The following NCAM1 variants were observed in gnomAD, a reference collection of about 807,000 sequenced individuals.
The protein encoded by NCAM1 is antigen recognized by monoclonal antibody 5.1H11.
NCAM1 carries 14 observed loss-of-function variants against 109.8 expected under a neutral mutation model. The ratio of observed to expected loss-of-function variants is 0.13; its 90% CI spans 0.08 to 0.20. The LOEUF (loss-of-function observed/expected upper bound fraction) is 0.20, where lower values mean the gene tolerates loss of function less well. Among genes scored for constraint, NCAM1 ranks in the 10% least tolerant of loss-of-function variants. NCAM1 has a pLI of 1.00. For synonymous variants in NCAM1, 418 were observed against 442.9 expected, an observed-to-expected ratio of 0.94 and a Z score of 0.70; for missense variants, 774 against 1,109.9, an observed-to-expected ratio of 0.70 and a Z score of 4.30.
intron 1 of NCAM1, among the ~76,000 whole-genome samples, chr11:113,193,781 G>A (rs1309723590): frequency 3.3e-5 from 5 of 152,110 alleles, no homozygotes; most frequent in Non-Finnish European, 5.9e-5. Context: ...GAGAGCCTGG[G>A]AACCACATAA....
At chr11:113,041,989 T>C (rs1175663518) in intron 1 of NCAM1, among the ~76,000 whole-genome samples, 1 of 152,202 alleles carries the variant, frequency 6.6e-6, no homozygotes, top group African/African-American at 2.4e-5. Flanking sequence ...CTTTCTAATT[T>C]CATGGAAAAA....
chr11:113,232,256 A>C lies in NCAM1; in HGVS notation c.1327A>C (p.Ser443Arg). 6.2e-7 allele frequency: 1 copy of C among 1,613,974 alleles called. No homozygotes were observed. Among genetic ancestry groups the C allele is most frequent in the Middle Eastern group, 1.6e-4 (1 of 6,062 alleles). ...CACCTGCGAGGTATTTGCCTATCCC[A>C]GTGCCACGATCTCATGGTTTCGGGA... Reference protein sequence around the residue: ...NITCEVFAYPSATISWFRDGQ... With the variant: ...NITCEVFAYPRATISWFRDGQ... Residue 443 changes from serine (S) to arginine (R), a missense_variant, in exon 11 of 20, where the codon AGT (serine) becomes CGT (arginine). Coordinates refer to ENST00000316851, the MANE Select transcript of NCAM1 (RefSeq NM_181351.5).
At chr11:113,038,394 G>A (rs1187658953) in intron 1 of NCAM1, among the ~76,000 whole-genome samples, 4 of 152,124 alleles carry the variant, frequency 2.6e-5, no homozygotes, top group Admixed American at 1.3e-4. Context: ...AAAAGAAAGG[G>A]ACTCTCCCAT....
At chr11:113,263,636 A>G (rs1431289012) in intron 17 of NCAM1, 3 of 985,588 alleles carry the variant, frequency 3.0e-6, no homozygotes, top group Non-Finnish European at 3.6e-6. Context: ...TGATGTGCCA[A>G]CAAGTGTCAG....
chr11:113,115,092 C>T lies in NCAM1; in HGVS notation c.53-87287C>T, dbSNP rs574778972. Among the ~76,000 whole-genome samples, 5 of 152,286 alleles carry T rather than the reference C, an allele frequency of 3.3e-5. No homozygotes were observed. In the East Asian group the frequency reaches 7.7e-4, roughly 23 times the overall value. On this transcript the variant is annotated intron_variant, in intron 1 of 19. Coordinates refer to ENST00000316851, the MANE Select transcript of NCAM1 (RefSeq NM_181351.5). Reference sequence around the variant, plus strand: ...GAGGCCCCTGGACAGTCAGCACCCCCCAGCTGGTAGCATCCTGGGAGCAAG... The same window carrying T: ...GAGGCCCCTGGACAGTCAGCACCCCTCAGCTGGTAGCATCCTGGGAGCAAG...
rs370115723 is a variant in NCAM1, at chr11:113,162,776, TG to T, written c.53-39600del. ...TTACGGTCACGGGGCATATTCTCAGTGGGCAGACCACAAGACACAGGCAGTG... is the reference window on the plus strand; with the variant it reads ...TTACGGTCACGGGGCATATTCTCAGTGGCAGACCACAAGACACAGGCAGTG... On this transcript the variant is annotated intron_variant, in intron 1 of 19. Coordinates refer to ENST00000316851, the MANE Select transcript of NCAM1 (RefSeq NM_181351.5). Among the ~76,000 whole-genome samples the T allele has an allele frequency of 2.2e-3, 330 of 152,292 alleles. 2 individuals are homozygous for T. Among genetic ancestry groups the T allele is most frequent in the Middle Eastern group, 0.01 (3 of 294 alleles).
At chr11:113,115,983 C>T (rs1940684340) in intron 1 of NCAM1, among the ~76,000 whole-genome samples, 2 of 152,256 alleles carry the variant, frequency 1.3e-5, no homozygotes, top group South Asian at 4.1e-4. Context: ...AATTCTTTCT[C>T]TCATAAGTTT....
chr11:113,160,575 G>A (rs1434352154), intron 1 of NCAM1, among the ~76,000 whole-genome samples: 2 of 152,162 alleles, frequency 1.3e-5, no homozygotes, highest in Non-Finnish European at 2.9e-5. Context: ...CCCCTGAACT[G>A]ATTTTACTTT....
At chr11:113,071,487 T>C (rs1377289804) in intron 1 of NCAM1, among the ~76,000 whole-genome samples, 4 of 150,196 alleles carry the variant, frequency 2.7e-5, no homozygotes, top group Non-Finnish European at 4.4e-5. Context: ...GTGCAGTGGC[T>C]CTATCTAGGC....
chr11:113,254,394 G>T (rs562727507), intron 15 of NCAM1, among the ~76,000 whole-genome samples: 1 of 152,288 alleles, frequency 6.6e-6, no homozygotes, highest in South Asian at 2.1e-4. Context: ...CCTTGTTGCA[G>T]CTTTTAATCT....
intron 1 of NCAM1, among the ~76,000 whole-genome samples, chr11:113,185,079 T>TATATATATATAGAGAGAGAGAGAGAG: frequency 8.0e-5 from 10 of 125,742 alleles, no homozygotes; most frequent in Non-Finnish European, 1.1e-4. Context: ...TATATATATA[T>TATATATATATAGAGAGAGAGAGAGAG]AGAGAGAGAG....
At chr11:112,967,535 T>C (rs1050125686) in intron 1 of NCAM1, among the ~76,000 whole-genome samples, 11 of 152,220 alleles carry the variant, frequency 7.2e-5, no homozygotes, top group African/African-American at 2.7e-4. Flanking sequence ...CAGTTTCCTC[T>C]TCCGTGAGAT....
intron 1 of NCAM1, among the ~76,000 whole-genome samples, chr11:113,006,435 T>C (rs1265095231): frequency 6.6e-6 from 1 of 152,182 alleles, no homozygotes; most frequent in African/African-American, 2.4e-5. Flanking sequence ...TTTGCATGGT[T>C]CAGAAACCTC....
At chr11:113,143,190 T>G (rs1195389458) in intron 1 of NCAM1, among the ~76,000 whole-genome samples, 1 of 151,726 alleles carries the variant, frequency 6.6e-6, no homozygotes, top group Non-Finnish European at 1.5e-5. Flanking sequence ...TGTATTTTTT[T>G]CCCCAAACTA....
chr11:113,221,035 CTAGGT>C (rs1944678110), intron 8 of NCAM1, among the ~76,000 whole-genome samples: 1 of 152,142 alleles, frequency 6.6e-6, no homozygotes, highest in Non-Finnish European at 1.5e-5. Flanking sequence ...GTATTCATAT[CTAGGT>C]ATACCAAAGA....
At chr11:113,003,013 T>C (rs781923694) in intron 1 of NCAM1, among the ~76,000 whole-genome samples, 1 of 152,238 alleles carries the variant, frequency 6.6e-6, no homozygotes, top group African/African-American at 2.4e-5. Flanking sequence ...GGAGAGCCAA[T>C]ACCATAAATC....
rs78580703 is a variant in NCAM1 at position 113,137,315 on chromosome 11, A to G, written c.53-65064A>G. 6.6e-3 allele frequency among the ~76,000 whole-genome samples: 1,011 copies of G among 152,370 alleles called. 6 individuals are homozygous for G. Among genetic ancestry groups the G allele is most frequent in the South Asian group, 0.031 (152 of 4,828 alleles). On this transcript the variant is annotated intron_variant, in intron 1 of 19. Transcript: ENST00000316851. ...TGTTTGCTGACCATTAAAAGAAGACAGTTATAGACCTGGTAGTAAGTTATT... is the reference window on the plus strand; with the variant it reads ...TGTTTGCTGACCATTAAAAGAAGACGGTTATAGACCTGGTAGTAAGTTATT...
intron 8 of NCAM1, among the ~76,000 whole-genome samples, chr11:113,216,832 C>T (rs1944546358): frequency 6.6e-6 from 1 of 152,188 alleles, no homozygotes; most frequent in African/African-American, 2.4e-5. Context: ...TATTGTCCAT[C>T]TTACACTGTG....
intron 1 of NCAM1, among the ~76,000 whole-genome samples, chr11:113,113,873 A>G (rs782464289): frequency 2.6e-4 from 39 of 152,208 alleles, no homozygotes; most frequent in Non-Finnish European, 5.3e-4. Context: ...GACACGATCA[A>G]TGGATGGAGA....
Sources: allele counts gnomAD v4.1 joint callset (sites outside exome capture counted in the v4.1 genomes callset), GRCh38; gene constraint gnomAD v4.1.1; transcripts MANE v1.5; gene names NCBI Gene and HGNC (gene_info 2026-07-23, HGNC 2026-07-21).